CHST11: variants seen among roughly 807,000 people sequenced by gnomAD.
CHST11 encodes the protein C4S-1.
A neutral mutation model predicts 30.4 loss-of-function variants in CHST11; 9 were observed. That is an observed-to-expected ratio of 0.30 (90% CI 0.18 to 0.52). The LOEUF is 0.52. CHST11 is among the 20% of genes least tolerant of loss of function. The pLI is 0.97. For missense variants in CHST11, 348 were observed against 460.6 expected, an observed-to-expected ratio of 0.76 and a Z score of 2.24; for synonymous variants, 152 against 187.8, an observed-to-expected ratio of 0.81 and a Z score of 1.56.
chr12:104,694,462 A>G (rs559124110), intron 2 of CHST11, among the ~76,000 whole-genome samples: 1 of 152,292 alleles, frequency 6.6e-6, no homozygotes, highest in Non-Finnish European at 1.5e-5. Flanking sequence ...CACTTTTGAA[A>G]AAAATGTTTT....
chr12:104,689,811 C>T (rs1194447973), intron 2 of CHST11, among the ~76,000 whole-genome samples: 6 of 152,152 alleles, frequency 3.9e-5, no homozygotes, highest in African/African-American at 7.2e-5. Context: ...CTCCTTCCCC[C>T]TCCCAATACT....
rs2037738836 is a variant in CHST11 at position 104,490,975 on chromosome 12, C to G, written c.118+33446C>G. Among the ~76,000 whole-genome samples, 3 of 151,944 alleles carry G rather than the reference C, an allele frequency of 2.0e-5. No homozygotes were observed. The South Asian group carries it at 6.2e-4, about 32-fold the overall frequency. On this transcript the variant is annotated intron_variant, in intron 1 of 2. Coordinates refer to ENST00000303694, the MANE Select transcript of CHST11 (RefSeq NM_018413.6). ...TTCTCTCTCTCCAACTTCAGAGCCC[C>G]TGCTGTGGAACAGGTGCTGTGCTGG...
intron 1 of CHST11, among the ~76,000 whole-genome samples, chr12:104,479,568 G>T (rs1232996652): frequency 3.3e-5 from 5 of 152,162 alleles, no homozygotes; most frequent in Non-Finnish European, 2.9e-5. Context: ...AACTGGAGAT[G>T]CTCTTATCCA....
intron 1 of CHST11, among the ~76,000 whole-genome samples, chr12:104,583,577 G>T (rs904572586): frequency 1.3e-5 from 2 of 152,096 alleles, no homozygotes; most frequent in South Asian, 4.1e-4. Context: ...TTTTCAGATC[G>T]ATTCTGACAC....
At position 104,753,302 on chromosome 12, in the gene CHST11, A is replaced by G. The variant is rs146681067; in HGVS notation, c.205-3647A>G. On this transcript the variant is annotated intron_variant, in intron 2 of 2. Coordinates refer to ENST00000303694, the MANE Select transcript of CHST11 (RefSeq NM_018413.6). ...GCGTCTGACGGATCCTCAGCTGTAAAATGGAGATCCTAATAATCTCCGTTA... is the reference window on the plus strand; with the variant it reads ...GCGTCTGACGGATCCTCAGCTGTAAGATGGAGATCCTAATAATCTCCGTTA... 3.2e-4 allele frequency among the ~76,000 whole-genome samples: 49 copies of G among 152,314 alleles called. 1 individual carries two copies. Among genetic ancestry groups the G allele is most frequent in the African/African-American group, 1.1e-3 (44 of 41,572 alleles).
intron 2 of CHST11, among the ~76,000 whole-genome samples, chr12:104,658,617 CGT>C (rs1466898441): frequency 2.6e-5 from 4 of 152,114 alleles, no homozygotes; most frequent in Non-Finnish European, 5.9e-5. Context: ...CCCTGGGGAC[CGT>C]AACTCTGGCA....
At chr12:104,697,066 C>T (rs866600729) in intron 2 of CHST11, among the ~76,000 whole-genome samples, 3 of 152,114 alleles carry the variant, frequency 2.0e-5, no homozygotes, top group Admixed American at 6.5e-5. Context: ...TTATGAATAA[C>T]ATTGATCAAA....
chr12:104,548,444 G>T (rs1255804769), intron 1 of CHST11, among the ~76,000 whole-genome samples: 1 of 152,220 alleles, frequency 6.6e-6, no homozygotes, highest in Non-Finnish European at 1.5e-5. Flanking sequence ...GTCAGTTCTT[G>T]TGAGTTGGTA....
chr12:104,495,017 T>A (rs988812805), intron 1 of CHST11, among the ~76,000 whole-genome samples: 1 of 152,172 alleles, frequency 6.6e-6, no homozygotes, highest in African/African-American at 2.4e-5. Context: ...CCGTTCTACT[T>A]TCTGTTTCTA....
chr12:104,710,165 A>C (rs1015720120), intron 2 of CHST11, among the ~76,000 whole-genome samples: 1 of 152,082 alleles, frequency 6.6e-6, no homozygotes, highest in Admixed American at 6.6e-5. Context: ...GCGCCACTGC[A>C]CTCCAGCCTG....
intron 2 of CHST11, among the ~76,000 whole-genome samples, chr12:104,688,211 A>G (rs1334005597): frequency 6.6e-6 from 1 of 152,184 alleles, no homozygotes; most frequent in Non-Finnish European, 1.5e-5. Context: ...GTGGGATTTT[A>G]ACTCTGGATG....
chr12:104,524,218 C>T (rs2135990117), intron 1 of CHST11, among the ~76,000 whole-genome samples: 1 of 152,190 alleles, frequency 6.6e-6, no homozygotes, highest in South Asian at 2.1e-4. Context: ...TTGGTGCCAA[C>T]AGATAGGGCA....
At chr12:104,627,674 G>C (rs755322288) in intron 2 of CHST11, among the ~76,000 whole-genome samples, 3 of 152,164 alleles carry the variant, frequency 2.0e-5, no homozygotes, top group Non-Finnish European at 2.9e-5. Flanking sequence ...AGTATTTGAC[G>C]GGCTTCTTAT....
chr12:104,552,746 T>A (rs2038417003), intron 1 of CHST11: 1 of 152,188 alleles, frequency 6.6e-6, no homozygotes, highest in Admixed American at 6.5e-5. Flanking sequence ...GAAGACAGCC[T>A]CTGAGATGAT....
chr12:104,750,428 C>CCTTTTTTTTTTTTTTTTT (rs1420945578), intron 2 of CHST11, among the ~76,000 whole-genome samples: 2 of 48,826 alleles, frequency 4.1e-5, no homozygotes, highest in African/African-American at 1.6e-4. Flanking sequence ...TATTTCTGCA[C>CCTTTTTTTTTTTTTTTTT]TTTTTTTTTT....
At chr12:104,716,776 C>T (rs4514507) in intron 2 of CHST11, among the ~76,000 whole-genome samples, 65,166 of 152,144 alleles carry the variant, frequency 0.43, 14,670 homozygotes, top group East Asian at 0.6. Flanking sequence ...GATTCGAAGA[C>T]GAAGGAATCA....
At chr12:104,679,425 G>A (rs1050668856) in intron 2 of CHST11, among the ~76,000 whole-genome samples, 20 of 152,098 alleles carry the variant, frequency 1.3e-4, no homozygotes, top group Admixed American at 1.3e-4. Flanking sequence ...GAGCCTCCGC[G>A]TCCTGCTCCA....
intron 1 of CHST11, among the ~76,000 whole-genome samples, chr12:104,529,576 C>T (rs1327421233): frequency 6.6e-6 from 1 of 152,170 alleles, no homozygotes; most frequent in Non-Finnish European, 1.5e-5. Context: ...CTGCAGGTTC[C>T]ACAATGATCA....
chr12:104,735,408 T>A (rs1270941633), intron 2 of CHST11, among the ~76,000 whole-genome samples: 1 of 152,100 alleles, frequency 6.6e-6, no homozygotes, highest in African/African-American at 2.4e-5. Flanking sequence ...ATAACAGCAA[T>A]AATGGTAAAA....
Sources: allele counts gnomAD v4.1 joint callset (sites outside exome capture counted in the v4.1 genomes callset), GRCh38; gene constraint gnomAD v4.1.1; transcripts MANE v1.5; gene names NCBI Gene and HGNC (gene_info 2026-07-23, HGNC 2026-07-21).